RRP15: variants seen among roughly 807,000 people sequenced by gnomAD.
The protein encoded by RRP15 is RRP15-like protein.
Under a neutral mutation model 27.1 loss-of-function variants are expected in RRP15, and 18 were observed. The observed-to-expected ratio is 0.66, with a 90% confidence interval of 0.46 to 0.98. The LOEUF is 0.98. Among genes scored for constraint, RRP15 ranks in the 50% least tolerant of loss-of-function variants. RRP15 has a pLI of 0.00. For missense variants in RRP15, 359 were observed against 337.8 expected (o/e 1.06, Z -0.49); for synonymous variants, 107 against 109.4 (o/e 0.98, Z 0.14).
rs1418416445 is a variant in RRP15 at position 218,331,322 on chromosome 1, T to C, written c.*231T>C. The C allele has an allele frequency of 2.9e-6, 1 of 340,370 alleles. No individual in the cohort carries two copies. Among genetic ancestry groups the C allele is most frequent in the East Asian group, 5.0e-5 (1 of 19,870 alleles). 21.1% of individuals were successfully genotyped at this position (340,370 alleles called of 1,614,324 possible). A position where few individuals can be genotyped will look rare whatever the true frequency, so the allele number is the denominator to read the frequency against. ...CTCAGAACATTTGTAAAAGGATATATTTCTGCTTGACCAGCGAGATGTGCA... is the reference window on the plus strand; with the variant it reads ...CTCAGAACATTTGTAAAAGGATATACTTCTGCTTGACCAGCGAGATGTGCA... On this transcript the variant is annotated 3_prime_UTR_variant, in exon 5 of 5. Coordinates refer to ENST00000366932, the MANE Select transcript of RRP15 (RefSeq NM_016052.4).
At chr1:218,324,807 A>G (rs978010329) in intron 4 of RRP15, among the ~76,000 whole-genome samples, 3 of 152,092 alleles carry the variant, frequency 2.0e-5, no homozygotes, top group African/African-American at 7.2e-5. Flanking sequence ...CCATATTTAT[A>G]TGTTTCCTTT....
chr1:218,331,095 A>G lies in RRP15; in HGVS notation c.*4A>G, dbSNP rs541341849. 2.1e-5 allele frequency: 33 copies of G among 1,603,528 alleles called. No individual in the cohort carries two copies. The South Asian group carries it at 3.4e-4, about 16-fold the overall frequency. ...TGCAAGTGACTCTGATACATAAAGCATCATAGGAAATACAATTGCAGTCGT... is the reference window on the plus strand; with the variant it reads ...TGCAAGTGACTCTGATACATAAAGCGTCATAGGAAATACAATTGCAGTCGT... On this transcript the variant is annotated 3_prime_UTR_variant, in exon 5 of 5. Transcript: ENST00000366932.
intron 1 of RRP15, among the ~76,000 whole-genome samples, chr1:218,300,520 G>C (rs540990939): frequency 6.6e-6 from 1 of 152,132 alleles, no homozygotes; most frequent in Non-Finnish European, 1.5e-5. Context: ...CTTGCTAAAA[G>C]TCAGGTCTTT....
chr1:218,310,234 T>C (rs542721843), intron 4 of RRP15, among the ~76,000 whole-genome samples: 210 of 152,338 alleles, frequency 1.4e-3, no homozygotes, highest in African/African-American at 4.6e-3. Flanking sequence ...AGAAATCTTA[T>C]TGTTTTCCCT....
intron 1 of RRP15, among the ~76,000 whole-genome samples, chr1:218,294,377 C>T (rs1341524485): frequency 6.6e-6 from 1 of 152,184 alleles, no homozygotes; most frequent in African/African-American, 2.4e-5. Flanking sequence ...GTCCTAAATC[C>T]AGACCTCTGG....
intron 3 of RRP15, 66 bp downstream of exon 3, chr1:218,305,191 G>T (rs778569995): frequency 1.9e-5 from 24 of 1,239,360 alleles, no homozygotes; most frequent in Middle Eastern, 1.9e-4. Flanking sequence ...TTCTATTTTT[G>T]ACCCAATTTG....
chr1:218,303,964 A>G (rs1332776004), intron 2 of RRP15, among the ~76,000 whole-genome samples: 1 of 152,202 alleles, frequency 6.6e-6, no homozygotes, highest in Non-Finnish European at 1.5e-5. Flanking sequence ...ACGGAATATA[A>G]TTAAGAATTG....
rs1558198745 is a variant in RRP15, at chr1:218,285,340, AC to A, written c.25del (p.Arg9ValfsTer2). On this transcript the variant is annotated frameshift_variant, in exon 1 of 5. Transcript: ENST00000366932. LOFTEE classifies it high-confidence loss of function. MAAAAPDSRVSEEENLKKT... is the reference protein window; with the variant it reads MAAAAPDSXVSEEENLKKT... ...AAATGGCAGCCGCCGCTCCGGACTC[AC>A]GTGTGAGTGAGGAAGAAAACCTGAA... The A allele has an allele frequency of 8.1e-6, 13 of 1,614,164 alleles. No homozygotes were observed. Among genetic ancestry groups the A allele is most frequent in the Non-Finnish European group, 1.0e-5 (12 of 1,180,022 alleles).
Position 218,302,442 on chromosome 1 carries a change from G to A in RRP15, c.288G>A (p.Met96Ile). 1.2e-6 allele frequency: 2 copies of A among 1,614,044 alleles called. No homozygotes were observed. Among genetic ancestry groups the A allele is most frequent in the Non-Finnish European group, 1.7e-6 (2 of 1,179,998 alleles). ...VGTNMGWADA[M>I]AKVLNKKTPE... The stretch of plus-strand genomic sequence containing the variant: ...CTAATATGGGCTGGGCAGATGCTAT[G>A]GCTAAAGTCCTCAACAAGAAAACTC... The change falls in exon 2 of 5, where the codon ATG (methionine) becomes ATA (isoleucine). Residue 96 changes from methionine to isoleucine, a missense_variant. Coordinates refer to ENST00000366932, the MANE Select transcript of RRP15 (RefSeq NM_016052.4).
At chr1:218,320,043 A>C (rs938854780) in intron 4 of RRP15, among the ~76,000 whole-genome samples, 21 of 123,036 alleles carry the variant, frequency 1.7e-4, no homozygotes, top group African/African-American at 7.6e-4. Flanking sequence ...ACTATGTTTT[A>C]TTTCTTTTTT....
In RRP15 at chr1:218,335,480, A is replaced by G. The variant is rs1349340392; in HGVS notation, c.*4389A>G. The G allele has an allele frequency of 6.6e-6, 1 of 152,218 alleles. No homozygotes were observed. The highest frequency in any genetic ancestry group is 2.4e-5 in the African/African-American group (1 of 41,460). The allele number at this position is 152,218 out of a possible 1,614,324, so 9.4% of individuals were successfully genotyped here. ...CTAAAAGTCTAAATCATTGCTGTCA[A>G]TAGGACTTTTTTTGATGATGGAAAT... is the stretch of plus-strand genomic sequence containing the variant. On this transcript the variant is annotated 3_prime_UTR_variant, in exon 5 of 5. Transcript: ENST00000366932.
chr1:218,330,485 T>G (rs79129339), intron 4 of RRP15, among the ~76,000 whole-genome samples: 12,003 of 152,186 alleles, frequency 0.079, 793 homozygotes, highest in African/African-American at 0.19. Context: ...ATAGTACCAA[T>G]GTAGTTTCTT....
chr1:218,299,073 T>C (rs1655768380), intron 1 of RRP15, among the ~76,000 whole-genome samples: 1 of 151,232 alleles, frequency 6.6e-6, no homozygotes, highest in Non-Finnish European at 1.5e-5. Flanking sequence ...TTGATTAGGA[T>C]ATAATAATAT....
chr1:218,305,275 A>C, intron 3 of RRP15, 150 bp downstream of exon 3: 1 of 586,286 alleles, frequency 1.7e-6, no homozygotes, highest in Non-Finnish European at 3.1e-6. Flanking sequence ...AATTCAACCA[A>C]AGATTTTCCA....
chr1:218,321,586 G>A (rs1437701764), intron 4 of RRP15, among the ~76,000 whole-genome samples: 1 of 151,912 alleles, frequency 6.6e-6, no homozygotes, highest in Non-Finnish European at 1.5e-5. Flanking sequence ...TTTCTTTCAA[G>A]GCCTGTACCT....
chr1:218,323,725 C>G (rs556705525), intron 4 of RRP15, among the ~76,000 whole-genome samples: 1 of 152,200 alleles, frequency 6.6e-6, no homozygotes, highest in Non-Finnish European at 1.5e-5. Flanking sequence ...CTCGGCCTCC[C>G]TCTCATGCTT....
intron 1 of RRP15, among the ~76,000 whole-genome samples, chr1:218,297,629 C>CA (rs1214542483): frequency 6.6e-6 from 1 of 152,142 alleles, no homozygotes; most frequent in African/African-American, 2.4e-5. Context: ...TGTCCTCAAT[C>CA]ACGTTTTTAC....
At chr1:218,289,833 C>T (rs780036445) in intron 1 of RRP15, among the ~76,000 whole-genome samples, 41 of 152,288 alleles carry the variant, frequency 2.7e-4, no homozygotes, top group Non-Finnish European at 4.9e-4. Flanking sequence ...CAGGCATGCA[C>T]CACCACACCC....
chr1:218,295,503 A>G (rs1655705322), intron 1 of RRP15, among the ~76,000 whole-genome samples: 1 of 152,236 alleles, frequency 6.6e-6, no homozygotes, highest in South Asian at 2.1e-4. Flanking sequence ...TGTATGTGAA[A>G]AATGGCCATC....
Sources: gnomAD v4.1 joint callset for allele counts (sites outside exome capture counted in the v4.1 genomes callset) on GRCh38, gnomAD v4.1.1 for gene constraint, MANE v1.5 for transcripts, NCBI Gene and HGNC (gene_info 2026-07-23, HGNC 2026-07-21) for gene names.